The following SUN5 variants were observed in gnomAD, a reference collection of about 807,000 sequenced individuals.
The protein encoded by SUN5 is Sad1 and UNC84 domain containing 5.
SUN5 carries 44 observed loss-of-function variants against 53.7 expected under a neutral mutation model. That is an observed-to-expected ratio of 0.82 (90% CI 0.64 to 1.05). SUN5 has a LOEUF of 1.05. Among genes scored for constraint, SUN5 ranks in the 50% least tolerant of loss-of-function variants. The pLI, the probability that SUN5 is intolerant of heterozygous loss-of-function variation, is 0.00. For missense variants in SUN5, 433 were observed against 483.8 expected (o/e 0.90, Z 0.98); for synonymous variants, 166 against 179.8 (o/e 0.92, Z 0.62).
intron 7 of SUN5, among the ~76,000 whole-genome samples, chr20:32,996,005 T>A (rs190679495): frequency 0.01 from 1,567 of 152,248 alleles, 27 homozygotes; most frequent in African/African-American, 0.036. Flanking sequence ...GGTGTCTTGG[T>A]TAAAATTTCT....
At chr20:32,997,075 G>A (rs1568968209) in intron 6 of SUN5, among the ~76,000 whole-genome samples, 1 of 152,216 alleles carries the variant, frequency 6.6e-6, no homozygotes, top group Non-Finnish European at 1.5e-5. Flanking sequence ...TTCTGCCTGG[G>A]TGTTTCTAGA....
intron 9 of SUN5, among the ~76,000 whole-genome samples, chr20:32,988,021 G>C (rs1376971647): frequency 6.6e-6 from 1 of 152,092 alleles, no homozygotes; most frequent in Non-Finnish European, 1.5e-5. Flanking sequence ...GCAGTGGCGC[G>C]ATCTTGGCTC....
At chr20:32,986,369 C>A (rs1989539769) in intron 10 of SUN5, among the ~76,000 whole-genome samples, 1 of 152,216 alleles carries the variant, frequency 6.6e-6, no homozygotes, top group African/African-American at 2.4e-5. Context: ...GACCTTGGAA[C>A]TTGCCATTAA....
intron 1 of SUN5, among the ~76,000 whole-genome samples, chr20:33,003,536 G>A (rs756441285): frequency 2.0e-5 from 3 of 152,064 alleles, no homozygotes; most frequent in Non-Finnish European, 4.4e-5. Context: ...AACACACTCC[G>A]GAGCCCCCTG....
chr20:33,000,873 C>T (rs1043665812), intron 4 of SUN5, among the ~76,000 whole-genome samples: 11 of 150,476 alleles, frequency 7.3e-5, no homozygotes, highest in South Asian at 4.2e-4. Flanking sequence ...GTTAACAGCA[C>T]GTGCAAATGT....
intron 6 of SUN5, among the ~76,000 whole-genome samples, chr20:32,997,070 C>T (rs1989871911): frequency 6.6e-6 from 1 of 152,186 alleles, no homozygotes; most frequent in Non-Finnish European, 1.5e-5. Flanking sequence ...ACAACTTCTG[C>T]CTGGGTGTTT....
chr20:32,985,221 C>G, intron 11 of SUN5, 36 bp from the exon 12 acceptor site: 1 of 1,599,858 alleles, frequency 6.3e-7, no homozygotes, highest in Non-Finnish European at 8.6e-7. Context: ...GCGTCAGATA[C>G]AAGCAGGGCC....
intron 8 of SUN5, 79 bp from the exon 9 acceptor site, chr20:32,989,777 AGG>A (rs1305103025): frequency 2.0e-6 from 1 of 490,278 alleles, no homozygotes; most frequent in East Asian, 4.3e-4. Flanking sequence ...GGGAGGTAAC[AGG>A]GGGCTGCAGG....
At chr20:32,999,946 G>C (rs414191) in intron 5 of SUN5, 128 bp downstream of exon 5, 568,704 of 1,552,442 alleles carry the variant, frequency 0.37, 109,760 homozygotes, top group East Asian at 0.76. Flanking sequence ...AATTCTCACA[G>C]CAACACCCAT....
intron 8 of SUN5, among the ~76,000 whole-genome samples, chr20:32,991,694 C>A (rs1459888642): frequency 6.6e-6 from 1 of 152,134 alleles, no homozygotes; most frequent in Non-Finnish European, 1.5e-5. Context: ...GCACTGGAGA[C>A]CTAGGACTTT....
At chr20:32,984,043 A>T in intron 12 of SUN5, 94 bp from the exon 13 acceptor site, 5 of 1,428,698 alleles carry the variant, frequency 3.5e-6, no homozygotes, top group Non-Finnish European at 4.6e-6. Flanking sequence ...CCCATTTCAT[A>T]GGTGGGAAAA....
intron 10 of SUN5, among the ~76,000 whole-genome samples, chr20:32,987,405 A>C (rs1600489348): frequency 6.6e-6 from 1 of 151,108 alleles, no homozygotes; most frequent in Non-Finnish European, 1.5e-5. Flanking sequence ...TTTCGCTCCT[A>C]CCCTAGCCCC....
chr20:32,987,338 A>C (rs1183627233), intron 10 of SUN5, among the ~76,000 whole-genome samples: 1 of 152,094 alleles, frequency 6.6e-6, no homozygotes, highest in Non-Finnish European at 1.5e-5. Context: ...CTGACCCTCA[A>C]ATCTTAAGGG....
intron 8 of SUN5, among the ~76,000 whole-genome samples, chr20:32,995,342 G>A (rs969670907): frequency 6.6e-6 from 1 of 152,186 alleles, no homozygotes; most frequent in Non-Finnish European, 1.5e-5. Flanking sequence ...AACTATAATA[G>A]AGTGGTGGGC....
At chr20:33,000,776 T>C (rs545528763) in intron 4 of SUN5, among the ~76,000 whole-genome samples, 82 of 148,548 alleles carry the variant, frequency 5.5e-4, no homozygotes, top group African/African-American at 1.9e-3. Flanking sequence ...ATTCGAAAAG[T>C]AGAGGCTGCA....
chr20:32,986,765 A>T (rs1989552329), intron 10 of SUN5, among the ~76,000 whole-genome samples: 1 of 152,112 alleles, frequency 6.6e-6, no homozygotes, highest in Non-Finnish European at 1.5e-5. Context: ...TCCAAACCTG[A>T]CTGCAGCCAG....
intron 8 of SUN5, among the ~76,000 whole-genome samples, chr20:32,990,346 A>C (rs1989678797): frequency 6.6e-6 from 1 of 152,184 alleles, no homozygotes; most frequent in Non-Finnish European, 1.5e-5. Flanking sequence ...GTAGGTGCAC[A>C]ATAAATACCA....
intron 10 of SUN5, among the ~76,000 whole-genome samples, chr20:32,987,033 T>C (rs372840060): frequency 1.2e-4 from 18 of 152,342 alleles, no homozygotes; most frequent in African/African-American, 4.3e-4. Context: ...GCCTGTGACC[T>C]TTTGGCATCA....
chr20:32,995,070 C>T (rs1989809585), intron 8 of SUN5, among the ~76,000 whole-genome samples: 1 of 152,026 alleles, frequency 6.6e-6, no homozygotes, highest in South Asian at 2.1e-4. Flanking sequence ...ATAGGCCTAG[C>T]ATAGGTGTAA....
Sources: allele counts gnomAD v4.1 joint callset (sites outside exome capture counted in the v4.1 genomes callset), GRCh38; gene constraint gnomAD v4.1.1; transcripts MANE v1.5; gene names NCBI Gene and HGNC (gene_info 2026-07-23, HGNC 2026-07-21).